The following CSMD3 variants were observed in gnomAD, a reference collection of about 807,000 sequenced individuals.
The protein encoded by CSMD3 is CUB and sushi domain-containing protein 3.
A neutral mutation model predicts 435.2 loss-of-function variants in CSMD3; 177 were observed. That is an observed-to-expected ratio of 0.41 (90% CI 0.36 to 0.46). CSMD3 has a LOEUF of 0.46. Ranked by LOEUF, CSMD3 falls within the 20% of genes least tolerant of loss-of-function variation. The pLI, the probability that CSMD3 is intolerant of heterozygous loss-of-function variation, is 0.34. For missense variants in CSMD3, 4,265 were observed against 4,504.6 expected, an observed-to-expected ratio of 0.95 and a Z score of 1.52; for synonymous variants, 1,656 against 1,520.5, an observed-to-expected ratio of 1.09 and a Z score of -2.07.
At chr8:113,408,523 T>A (rs901123904) in intron 1 of CSMD3, among the ~76,000 whole-genome samples, 1 of 152,104 alleles carries the variant, frequency 6.6e-6, no homozygotes. Context: ...GATTCTATAG[T>A]TTTTGCATAA....
chr8:112,622,030 T>C (rs1183830538), intron 22 of CSMD3, among the ~76,000 whole-genome samples: 5 of 152,114 alleles, frequency 3.3e-5, no homozygotes. Context: ...CTAGCTAGCA[T>C]ATAAAAGCAG....
chr8:112,918,795 A>G (rs1479383203), intron 10 of CSMD3, among the ~76,000 whole-genome samples: 1 of 151,940 alleles, frequency 6.6e-6, no homozygotes, highest in East Asian at 1.9e-4. Context: ...AATCCCTTTA[A>G]AAATCACCAT....
At chr8:113,351,821 C>G (rs1278745891) in intron 1 of CSMD3, among the ~76,000 whole-genome samples, 2 of 152,140 alleles carry the variant, frequency 1.3e-5, no homozygotes, top group Non-Finnish European at 2.9e-5. Context: ...TCCTAGATTT[C>G]TGGTTTAAAG....
At chr8:112,384,224 G>C (rs938654431) in intron 36 of CSMD3, among the ~76,000 whole-genome samples, 1 of 151,880 alleles carries the variant, frequency 6.6e-6, no homozygotes, top group Admixed American at 6.6e-5. Context: ...TTTTTAATAA[G>C]TTTCAGTATG....
chr8:112,770,401 A>C (rs1172637910), intron 13 of CSMD3, among the ~76,000 whole-genome samples: 1 of 152,054 alleles, frequency 6.6e-6, no homozygotes, highest in African/African-American at 2.4e-5. Context: ...CCATCTTGGA[A>C]ACAGATACTT....
chr8:112,551,598 C>G (rs1048646678), intron 26 of CSMD3, among the ~76,000 whole-genome samples: 2 of 151,968 alleles, frequency 1.3e-5, no homozygotes, highest in Non-Finnish European at 2.9e-5. Context: ...TTGCAGAAAT[C>G]TGGTGAATTT....
intron 6 of CSMD3, among the ~76,000 whole-genome samples, chr8:112,999,734 T>C (rs2131063063): frequency 6.6e-6 from 1 of 151,662 alleles, no homozygotes; most frequent in Non-Finnish European, 1.5e-5. Context: ...CTATTGCGAA[T>C]GTTTTGAAAG....
intron 27 of CSMD3, among the ~76,000 whole-genome samples, chr8:112,522,913 G>A (rs1284690284): frequency 6.6e-6 from 1 of 151,856 alleles, no homozygotes; most frequent in African/African-American, 2.4e-5. Flanking sequence ...AGCCGAGCTG[G>A]TGCATATGTA....
intron 31 of CSMD3, among the ~76,000 whole-genome samples, chr8:112,481,369 T>TTTCACATCTGTCTC (rs1415900329): frequency 6.6e-6 from 1 of 152,216 alleles, no homozygotes; most frequent in Non-Finnish European, 1.5e-5. Context: ...CTACTTGCAA[T>TTTCACATCTGTCTC]TTCACATCTG....
intron 4 of CSMD3, among the ~76,000 whole-genome samples, chr8:113,110,862 A>G (rs995084042): frequency 6.6e-6 from 1 of 152,156 alleles, no homozygotes; most frequent in African/African-American, 2.4e-5. Flanking sequence ...AGGCTGGGAA[A>G]TCCAAGATGA....
chr8:112,419,877 C>T lies in CSMD3; in HGVS notation c.5396-10845G>A, dbSNP rs537514894. Among the ~76,000 whole-genome samples the T allele has an allele frequency of 2.0e-5, 3 of 151,772 alleles. No homozygotes were observed. The East Asian group carries it at 5.8e-4, about 29-fold the overall frequency. ...AATTAATTTGGTGTTTAAAAGCAAACGAAATAAAGAAAAACACAATAAGCG... is the reference window on the plus strand; with the variant it reads ...AATTAATTTGGTGTTTAAAAGCAAATGAAATAAAGAAAAACACAATAAGCG... On this transcript the variant is annotated intron_variant, in intron 32 of 70. Coordinates refer to ENST00000297405, the MANE Select transcript of CSMD3 (RefSeq NM_198123.2).
At chr8:113,121,766 C>T (rs1444546148) in intron 4 of CSMD3, among the ~76,000 whole-genome samples, 1 of 152,050 alleles carries the variant, frequency 6.6e-6, no homozygotes. Context: ...GATTTGTTTA[C>T]AGTTCTTTAT....
chr8:112,865,605 T>C (rs2080955292), intron 10 of CSMD3, among the ~76,000 whole-genome samples: 1 of 151,946 alleles, frequency 6.6e-6, no homozygotes, highest in Non-Finnish European at 1.5e-5. Flanking sequence ...CATAAGTTTC[T>C]ACTCAAACAG....
At chr8:112,299,075 G>C (rs183525639) in intron 53 of CSMD3, among the ~76,000 whole-genome samples, 135 of 152,146 alleles carry the variant, frequency 8.9e-4, no homozygotes, top group African/African-American at 3.2e-3. Context: ...AGATAAAAGA[G>C]AATAAAAGAA....
rs1015126918 is a variant in CSMD3 at position 113,270,407 on chromosome 8, G to A, written c.514+8185C>T. Among the ~76,000 whole-genome samples, 3 of 152,184 alleles carry A rather than the reference G, an allele frequency of 2.0e-5. No individual in the cohort carries two copies. The East Asian group carries it at 5.8e-4, about 29-fold the overall frequency. ...GTAAACTAGTTCAACCATTGTGTAA[G>A]ATAGTGTGGTGATTCCTCATGGATC... On this transcript the variant is annotated intron_variant, in intron 3 of 70. Transcript: ENST00000297405.
chr8:112,707,094 A>C (rs969437694), intron 13 of CSMD3, among the ~76,000 whole-genome samples: 1 of 152,104 alleles, frequency 6.6e-6, no homozygotes, highest in Non-Finnish European at 1.5e-5. Context: ...AATAGCAATC[A>C]AAGTAAATGG....
Position 112,310,938 on chromosome 8 carries a change from A to ACATT in CSMD3, c.7885+36_7885+39dup, listed in dbSNP as rs1821922561. ...AAAAACGTTAAATGGTGCTAATCTC[A>ACATT]CATTCATGTTTTTGTTCATTTTGGC... On this transcript the variant is annotated intron_variant, in intron 50 of 70. Coordinates refer to ENST00000297405, the MANE Select transcript of CSMD3 (RefSeq NM_198123.2). 3.3e-6 allele frequency: 5 copies of ACATT among 1,527,720 alleles called. No homozygotes were observed. In the East Asian group the frequency reaches 1.1e-4, roughly 34 times the overall value. 94.6% of individuals were successfully genotyped at this position (1,527,720 alleles called of 1,614,324 possible).
rs1427251143 is a variant in CSMD3 at position 112,517,090 on chromosome 8, G to A, written c.4700C>T (p.Thr1567Ile). 2 of 1,613,882 alleles carry A rather than the reference G, an allele frequency of 1.2e-6. No homozygotes were observed. Among genetic ancestry groups the A allele is most frequent in the East Asian group, 2.2e-5 (1 of 44,858 alleles). The change falls in exon 28 of 71, where the codon ACC (threonine) becomes ATC (isoleucine). Residue 1567 changes from threonine to isoleucine, a missense_variant. Thr to Ile is a moderately conservative substitution (Grantham distance 89, BLOSUM62 -1). Coordinates refer to ENST00000297405, the MANE Select transcript of CSMD3 (RefSeq NM_198123.2). ...GTACCGATTTTCTACCTGAATGCAG[G>A]TTATTCTTTCCTCTCCTTGAAGTTC... ...GYELQGEERITCIQVENRYFW... is the reference protein window; with the variant it reads ...GYELQGEERIICIQVENRYFW...
chr8:112,549,352 T>A (rs1028130695), intron 27 of CSMD3, among the ~76,000 whole-genome samples: 3 of 152,032 alleles, frequency 2.0e-5, no homozygotes, highest in Admixed American at 6.6e-5. Flanking sequence ...ATATGATTAT[T>A]TTCTTATTTT....
Sources: gnomAD v4.1 joint callset for allele counts (sites outside exome capture counted in the v4.1 genomes callset) on GRCh38, gnomAD v4.1.1 for gene constraint, MANE v1.5 for transcripts, NCBI Gene and HGNC (gene_info 2026-07-23, HGNC 2026-07-21) for gene names.